The following DLGAP1 variants were observed in gnomAD, a reference collection of about 807,000 sequenced individuals.
The protein encoded by DLGAP1 is DLG associated protein 1.
DLGAP1 carries 11 observed loss-of-function variants against 90.8 expected under a neutral mutation model. The ratio of observed to expected loss-of-function variants is 0.12; its 90% CI spans 0.08 to 0.20. The LOEUF (loss-of-function observed/expected upper bound fraction) is 0.20. Among genes scored for constraint, DLGAP1 ranks in the 10% least tolerant of loss-of-function variants. DLGAP1 has a pLI of 1.00. For missense variants in DLGAP1, 1,050 were observed against 1,333.8 expected, an observed-to-expected ratio of 0.79 and a Z score of 3.31; for synonymous variants, 558 against 540.7, an observed-to-expected ratio of 1.03 and a Z score of -0.44.
chr18:4,315,819 A>G (rs1247774322), intron 1 of DLGAP1, among the ~76,000 whole-genome samples: 1 of 152,190 alleles, frequency 6.6e-6, no homozygotes, highest in Admixed American at 6.5e-5. Context: ...TTTGACTCTG[A>G]AGCAGAAATG....
intron 1 of DLGAP1, among the ~76,000 whole-genome samples, chr18:4,371,375 C>A (rs2144217018): frequency 6.6e-6 from 1 of 152,290 alleles, no homozygotes; most frequent in African/African-American, 2.4e-5. Context: ...AGAAATCTTG[C>A]CTTTAACATC....
At chr18:3,557,290 G>A (rs776526894) in intron 9 of DLGAP1, among the ~76,000 whole-genome samples, 1 of 152,174 alleles carries the variant, frequency 6.6e-6, no homozygotes, top group African/African-American at 2.4e-5. Context: ...GGGAGGCTGA[G>A]GTTGGTGGAT....
chr18:3,772,348 CTTTCTTTCTTTCTTTCTT>C (rs2064668404), intron 5 of DLGAP1, among the ~76,000 whole-genome samples: 2 of 2,234 alleles, frequency 9.0e-4, no homozygotes, highest in Non-Finnish European at 2.1e-3. Context: ...CTCTCTCTCT[CTTTCTTTCTTTCTTTCTT>C]TCTTTCTTTC....
rs2073511834 is a variant in DLGAP1, at chr18:3,973,953, C to T, written c.-73+31163G>A. 2.6e-5 allele frequency among the ~76,000 whole-genome samples: 4 copies of T among 152,216 alleles called. No homozygotes were observed. In the South Asian group the frequency reaches 6.2e-4, roughly 24 times the overall value. Reference sequence around the variant, plus strand: ...TCAGGCTATATGCTAGAGCCCATCGCTCCTAGGCTACAGATCTGCACAGCA... The same window carrying T: ...TCAGGCTATATGCTAGAGCCCATCGTTCCTAGGCTACAGATCTGCACAGCA... On this transcript the variant is annotated intron_variant, in intron 3 of 12. Coordinates refer to ENST00000315677, the MANE Select transcript of DLGAP1 (RefSeq NM_004746.4).
chr18:4,267,790 T>C (rs1194204691), intron 1 of DLGAP1, among the ~76,000 whole-genome samples: 1 of 152,166 alleles, frequency 6.6e-6, no homozygotes, highest in Non-Finnish European at 1.5e-5. Flanking sequence ...CTACAAGCTG[T>C]TGACAAGAGG....
chr18:4,135,790 C>CTTTTTT lies in DLGAP1; in HGVS notation c.-159+15384_-159+15389dup, dbSNP rs58513784. Reference sequence around the variant, plus strand: ...TTGTTGTAAATGAGAGAATCTGATTCTTTTTTTTTTTTTTTTTACGGCTGA... The same window carrying CTTTTTT: ...TTGTTGTAAATGAGAGAATCTGATTCTTTTTTTTTTTTTTTTTTTTTTTACGGCTGA... On this transcript the variant is annotated intron_variant, in intron 2 of 12. Coordinates refer to ENST00000315677, the MANE Select transcript of DLGAP1 (RefSeq NM_004746.4). Among the ~76,000 whole-genome samples the CTTTTTT allele has an allele frequency of 5.7e-3, 731 of 127,286 alleles. 5 individuals carry two copies. Among genetic ancestry groups the CTTTTTT allele is most frequent in the African/African-American group, 8.0e-3 (265 of 33,114 alleles). 83.5% of individuals were successfully genotyped at this position (127,286 alleles called of 152,430 possible).
chr18:3,925,285 AT>A (rs5822775), intron 3 of DLGAP1, among the ~76,000 whole-genome samples: 7,481 of 144,952 alleles, frequency 0.052, 229 homozygotes, highest in African/African-American at 0.086. Flanking sequence ...GATTTGTGGG[AT>A]TTTTTTTTTT....
intron 7 of DLGAP1, among the ~76,000 whole-genome samples, 162 bp downstream of exon 7, chr18:3,728,973 G>A (rs1296712147): frequency 1.3e-5 from 2 of 152,158 alleles, no homozygotes; most frequent in Admixed American, 6.5e-5. Flanking sequence ...GGCCAGAGGC[G>A]GGGATAGAGG....
rs920461052 is a variant in DLGAP1 at position 3,874,494 on chromosome 18, G to A, written c.957+4618C>T. 2.8e-6 allele frequency: 4 copies of A among 1,441,410 alleles called. No individual in the cohort carries two copies. In the African/African-American group the frequency reaches 4.3e-5, roughly 15 times the overall value. The allele number at this position is 1,441,410 out of a possible 1,614,324, so 89.3% of individuals were successfully genotyped here. ...CAACATACAACATTTACATAAAGAG[G>A]CATAAACAGAACCAAGAATTCTGCT... is the stretch of plus-strand genomic sequence containing the variant. On this transcript the variant is annotated intron_variant, in intron 4 of 12. Transcript: ENST00000315677.
At chr18:3,631,160 T>G (rs1032464551) in intron 7 of DLGAP1, among the ~76,000 whole-genome samples, 17 of 152,002 alleles carry the variant, frequency 1.1e-4, no homozygotes, top group African/African-American at 4.1e-4. Flanking sequence ...TTTTTTTTTT[T>G]TTAAGTAGAG....
Position 4,452,315 on chromosome 18 carries a change from C to A in DLGAP1, c.-267+2691G>T, listed in dbSNP as rs1029038983. Among the ~76,000 whole-genome samples the A allele has an allele frequency of 3.3e-5, 5 of 152,156 alleles. No homozygotes were observed. The East Asian group carries it at 7.7e-4, about 23-fold the overall frequency. On this transcript the variant is annotated intron_variant, in intron 1 of 12. Coordinates refer to ENST00000315677, the MANE Select transcript of DLGAP1 (RefSeq NM_004746.4). ...GAGATCAGAATCAAAACACTGAATT[C>A]TTTGTTTCTGAAAGAGTTGATGTTC...
intron 1 of DLGAP1, among the ~76,000 whole-genome samples, chr18:4,425,408 C>G (rs2320162): frequency 0.94 from 142,739 of 152,220 alleles, 67,578 homozygotes; most frequent in East Asian, 1. Flanking sequence ...GAAGGTGCCA[C>G]GTCCACTTCC....
intron 2 of DLGAP1, among the ~76,000 whole-genome samples, chr18:4,064,960 C>A (rs1053429084): frequency 6.6e-6 from 1 of 152,122 alleles, no homozygotes; most frequent in Non-Finnish European, 1.5e-5. Context: ...TCTAGAAGCA[C>A]ATCAAAAAGG....
At chr18:4,079,981 T>A (rs1309546103) in intron 2 of DLGAP1, among the ~76,000 whole-genome samples, 1 of 152,126 alleles carries the variant, frequency 6.6e-6, no homozygotes, top group Non-Finnish European at 1.5e-5. Flanking sequence ...AGATGTTATA[T>A]GGGTGTGGCT....
chr18:4,295,038 T>C (rs976138344), intron 1 of DLGAP1: 5 of 152,320 alleles, frequency 3.3e-5, no homozygotes, highest in African/African-American at 1.2e-4. Flanking sequence ...GTTCGGAGTT[T>C]ATACGGGTAC....
intron 11 of DLGAP1, among the ~76,000 whole-genome samples, chr18:3,506,106 C>T (rs1341165368): frequency 1.3e-5 from 2 of 151,710 alleles, no homozygotes; most frequent in East Asian, 1.9e-4. Context: ...GGTGTGGTGG[C>T]GGGTGCCTGT....
intron 1 of DLGAP1, among the ~76,000 whole-genome samples, chr18:4,370,306 G>A (rs138138806): frequency 1.1e-4 from 17 of 152,234 alleles, no homozygotes; most frequent in African/African-American, 3.6e-4. Context: ...CACCATGAAC[G>A]CAAAGTTCCT....
chr18:3,783,761 T>C (rs1369261668), intron 5 of DLGAP1, among the ~76,000 whole-genome samples: 1 of 152,234 alleles, frequency 6.6e-6, no homozygotes, highest in Non-Finnish European at 1.5e-5. Flanking sequence ...GGGTGTGTTA[T>C]ATAGTATGTG....
chr18:4,397,591 C>T (rs988362236), intron 1 of DLGAP1, among the ~76,000 whole-genome samples: 6 of 152,096 alleles, frequency 3.9e-5, no homozygotes, highest in Non-Finnish European at 5.9e-5. Flanking sequence ...CTCTTTATTG[C>T]ACCTTACAGA....
Sources: gnomAD v4.1 joint callset for allele counts (sites outside exome capture counted in the v4.1 genomes callset) on GRCh38, gnomAD v4.1.1 for gene constraint, MANE v1.5 for transcripts, NCBI Gene and HGNC (gene_info 2026-07-23, HGNC 2026-07-21) for gene names.